SYNE2: variants seen among roughly 807,000 people sequenced by gnomAD.
The protein encoded by SYNE2 is spectrin repeat containing nuclear envelope protein 2, also known as nesprin-2.
In SYNE2, 431 loss-of-function variants were observed where a neutral mutation model predicts 856.3. That is an observed-to-expected ratio of 0.50 (90% CI 0.47 to 0.55). The LOEUF (loss-of-function observed/expected upper bound fraction) is 0.55. Ranked by LOEUF, SYNE2 falls within the 20% of genes least tolerant of loss-of-function variation. The pLI is 0.00. For synonymous variants in SYNE2, 2,923 were observed against 2,872.3 expected (o/e 1.02, Z -0.56); for missense variants, 8,129 against 8,023.2 (o/e 1.01, Z -0.50).
intron 61 of SYNE2, among the ~76,000 whole-genome samples, chr14:64,096,036 C>T (rs370848512): frequency 3.3e-5 from 5 of 152,264 alleles, no homozygotes; most frequent in South Asian, 2.1e-4. Flanking sequence ...GTCTTCAATG[C>T]GCCATCTTGG....
At chr14:63,815,019 C>CACAT (rs567097818) in intron 1 of SYNE2, among the ~76,000 whole-genome samples, 1 of 117,610 alleles carries the variant, frequency 8.5e-6, no homozygotes, top group Non-Finnish European at 1.8e-5. Context: ...TATATACATC[C>CACAT]ATATATATCC....
chr14:64,179,242 T>G (rs1048515309), intron 96 of SYNE2, among the ~76,000 whole-genome samples: 1 of 152,178 alleles, frequency 6.6e-6, no homozygotes, highest in Admixed American at 6.5e-5. Context: ...GTTCCAGCAA[T>G]TCTCGTGCCT....
chr14:63,824,767 A>G (rs1889356262), intron 1 of SYNE2, among the ~76,000 whole-genome samples: 2 of 152,260 alleles, frequency 1.3e-5, no homozygotes, highest in African/African-American at 2.4e-5. Flanking sequence ...CTGTATCAAC[A>G]TATCTCATGT....
chr14:64,016,255 T>C (rs1292993634), intron 32 of SYNE2, among the ~76,000 whole-genome samples: 1 of 152,082 alleles, frequency 6.6e-6, no homozygotes, highest in Non-Finnish European at 1.5e-5. Flanking sequence ...GGATGAAATT[T>C]GAGTATAGGG....
In SYNE2 at chr14:64,115,774, T is replaced by C. The variant is rs528511589; in HGVS notation, c.12840+2203T>C. Among the ~76,000 whole-genome samples the C allele has an allele frequency of 4.6e-5, 7 of 152,278 alleles. No individual in the cohort carries two copies. In the East Asian group the frequency reaches 7.7e-4, roughly 17 times the overall value. ...ATAACATAACACAATAAAGTTATTA[T>C]TGAAACATATAAAAACCTTAAAGTG... On this transcript the variant is annotated intron_variant, in intron 66 of 115. Transcript: ENST00000555002.
chr14:64,203,256 T>C (rs2098585955), intron 100 of SYNE2, among the ~76,000 whole-genome samples: 1 of 152,180 alleles, frequency 6.6e-6, no homozygotes, highest in Non-Finnish European at 1.5e-5. Context: ...CTGATCTTTG[T>C]TGTGTTTTGT....
At chr14:64,197,077 C>T (rs536684410) in intron 99 of SYNE2, 67 of 152,502 alleles carry the variant, frequency 4.4e-4, no homozygotes, top group Non-Finnish European at 7.5e-4. Flanking sequence ...TTCGCTTAAA[C>T]ATAAGGAATG....
chr14:64,048,733 C>T (rs1294538366), intron 46 of SYNE2: 1 of 152,058 alleles, frequency 6.6e-6, no homozygotes, highest in African/African-American at 2.4e-5. Context: ...CATTGCGAGA[C>T]CCCATCTCTA....
At chr14:64,202,060 C>G in intron 99 of SYNE2, 1 of 643,206 alleles carries the variant, frequency 1.6e-6, no homozygotes, top group South Asian at 1.8e-5. Context: ...TGTACTCATG[C>G]CATGCGTGTG....
intron 31 of SYNE2, among the ~76,000 whole-genome samples, chr14:64,007,733 C>T (rs980523446): frequency 1.6e-4 from 24 of 152,016 alleles, no homozygotes; most frequent in African/African-American, 5.5e-4. Context: ...AAAAATTGGC[C>T]GGACACAGTT....
intron 57 of SYNE2, among the ~76,000 whole-genome samples, chr14:64,087,081 A>G (rs887517394): frequency 8.0e-5 from 10 of 124,800 alleles, no homozygotes; most frequent in Non-Finnish European, 1.0e-4. Context: ...TGCTGTTGTC[A>G]GTGATAATTG....
intron 61 of SYNE2, among the ~76,000 whole-genome samples, chr14:64,095,912 A>G (rs8016809): frequency 0.02 from 3,009 of 152,194 alleles, 102 homozygotes; most frequent in African/African-American, 0.068. Context: ...CTCTTCCCTC[A>G]TGAATGGGAT....
chr14:64,119,610 G>C lies in SYNE2; in HGVS notation c.13023+1G>C. The C allele has an allele frequency of 6.2e-7, 1 of 1,613,906 alleles. No individual in the cohort carries two copies. Among genetic ancestry groups the C allele is most frequent in the Non-Finnish European group, 8.5e-7 (1 of 1,179,906 alleles). ...TCAGGAGAAGCACAGTGAAGATCAGGTAAAAAATGACTATCTATGGACATT... is the reference window on the plus strand; with the variant it reads ...TCAGGAGAAGCACAGTGAAGATCAGCTAAAAAATGACTATCTATGGACATT... On this transcript the variant is annotated splice_donor_variant, in intron 67 of 115. Coordinates refer to ENST00000555002, the MANE Select transcript of SYNE2 (RefSeq NM_182914.3). LOFTEE classifies it high-confidence loss of function.
chr14:63,889,395 G>A (rs532794020), intron 1 of SYNE2, among the ~76,000 whole-genome samples: 1 of 151,680 alleles, frequency 6.6e-6, no homozygotes, highest in African/African-American at 2.4e-5. Context: ...GGGAGGAAAG[G>A]GGTTAACTAG....
chr14:63,986,434 G>A, intron 18 of SYNE2, 22 bp from the exon 19 acceptor site: 1 of 1,613,634 alleles, frequency 6.2e-7, no homozygotes, highest in Non-Finnish European at 8.5e-7. Flanking sequence ...CATTTTCTCA[G>A]TGGTACTTTT....
At chr14:64,084,932 T>C in intron 57 of SYNE2, 1 of 702,054 alleles carries the variant, frequency 1.4e-6, no homozygotes, top group South Asian at 1.5e-5. Context: ...CCCGTGGCTG[T>C]TGACAGGCCT....
chr14:63,805,784 A>G (rs1231572768), intron 1 of SYNE2, among the ~76,000 whole-genome samples: 1 of 152,134 alleles, frequency 6.6e-6, no homozygotes, highest in Non-Finnish European at 1.5e-5. Flanking sequence ...CTCAGCTTGG[A>G]CGTTGTTTGT....
intron 84 of SYNE2, among the ~76,000 whole-genome samples, chr14:64,149,860 G>A (rs908668656): frequency 3.3e-5 from 5 of 152,106 alleles, no homozygotes; most frequent in Admixed American, 6.6e-5. Flanking sequence ...GAAACTTGAA[G>A]GGTACTGTTA....
chr14:63,869,997 T>A (rs1896468553), intron 1 of SYNE2, among the ~76,000 whole-genome samples: 1 of 152,172 alleles, frequency 6.6e-6, no homozygotes, highest in African/African-American at 2.4e-5. Context: ...TTCTGAAACA[T>A]CCTTGTAATT....
Sources: allele counts gnomAD v4.1 joint callset (sites outside exome capture counted in the v4.1 genomes callset), GRCh38; gene constraint gnomAD v4.1.1; transcripts MANE v1.5; gene names NCBI Gene and HGNC (gene_info 2026-07-23, HGNC 2026-07-21).